The following PTPN11 variants were observed in gnomAD, a reference collection of about 807,000 sequenced individuals.
PTPN11 encodes tyrosine-protein phosphatase non-receptor type 11.
In PTPN11, 6 loss-of-function variants were observed where a neutral mutation model predicts 78.8. The ratio of observed to expected loss-of-function variants is 0.08; its 90% CI spans 0.04 to 0.15. PTPN11 has a LOEUF of 0.15. Ranked by LOEUF, PTPN11 falls within the 10% of genes least tolerant of loss-of-function variation. The pLI, the probability that PTPN11 is intolerant of heterozygous loss-of-function variation, is 1.00. For missense variants in PTPN11, 386 were observed against 744.8 expected (o/e 0.52, Z 5.61); for synonymous variants, 221 against 263.5 (o/e 0.84, Z 1.56).
intron 9 of PTPN11, among the ~76,000 whole-genome samples, chr12:112,480,384 T>TG (rs397947047): frequency 2.0e-5 from 3 of 147,458 alleles, no homozygotes; most frequent in African/African-American, 7.5e-5. Flanking sequence ...TTTTTTTTTT[T>TG]GGGACTGTAT....
At chr12:112,502,003 A>T (rs530858550) in intron 13 of PTPN11, 141 bp from the exon 14 acceptor site, 1 of 690,588 alleles carries the variant, frequency 1.4e-6, no homozygotes, top group African/African-American at 1.8e-5. Flanking sequence ...AATTTGGTCA[A>T]TGTATCAGTA....
intron 6 of PTPN11, among the ~76,000 whole-genome samples, chr12:112,458,760 G>A (rs1396836261): frequency 1.3e-5 from 2 of 152,196 alleles, no homozygotes. Context: ...AGGCTGGGGC[G>A]TAGTGGCTAC....
chr12:112,424,174 C>T (rs531412598), intron 1 of PTPN11, among the ~76,000 whole-genome samples: 22 of 152,060 alleles, frequency 1.4e-4, no homozygotes, highest in African/African-American at 2.2e-4. Context: ...TGCCAGGTAC[C>T]GTGCTAGGCA....
At chr12:112,486,115 G>C (rs1483335074) in intron 10 of PTPN11, among the ~76,000 whole-genome samples, 1 of 152,140 alleles carries the variant, frequency 6.6e-6, no homozygotes, top group Non-Finnish European at 1.5e-5. Context: ...CTCTTCTGCT[G>C]GGAGGAGAGA....
chr12:112,472,721 G>A (rs1174570526), intron 6 of PTPN11, among the ~76,000 whole-genome samples: 3 of 152,018 alleles, frequency 2.0e-5, no homozygotes, highest in South Asian at 2.1e-4. Flanking sequence ...GGCTGGTTTC[G>A]AACTCCTGCC....
At chr12:112,460,111 C>T (rs1214692800) in intron 6 of PTPN11, among the ~76,000 whole-genome samples, 1 of 152,038 alleles carries the variant, frequency 6.6e-6, no homozygotes. Flanking sequence ...CCTCACCTGG[C>T]TAGTTTTTGT....
chr12:112,450,223 A>G (rs2135861442), intron 2 of PTPN11, 95 bp from the exon 3 acceptor site: 1 of 1,188,226 alleles, frequency 8.4e-7, no homozygotes. Flanking sequence ...TTCTTTCAAC[A>G]CTTAGGTAAA....
At chr12:112,429,505 T>G (rs1368977551) in intron 1 of PTPN11, among the ~76,000 whole-genome samples, 3 of 149,126 alleles carry the variant, frequency 2.0e-5, no homozygotes, top group Non-Finnish European at 4.5e-5. Flanking sequence ...TTTTTTTTTT[T>G]TAAGAGACAG....
intron 1 of PTPN11, among the ~76,000 whole-genome samples, chr12:112,422,092 G>GA (rs1238745926): frequency 2.0e-5 from 3 of 152,164 alleles, no homozygotes; most frequent in Admixed American, 6.6e-5. Flanking sequence ...TTCTAGGAGG[G>GA]AAAAAATCCC....
At chr12:112,430,413 TTTG>T (rs955952661) in intron 1 of PTPN11, among the ~76,000 whole-genome samples, 15 of 151,472 alleles carry the variant, frequency 9.9e-5, no homozygotes, top group East Asian at 9.7e-4. Context: ...TTCATATAGG[TTTG>T]TTGTTGTTGT....
intron 6 of PTPN11, among the ~76,000 whole-genome samples, chr12:112,465,652 T>G (rs2038315909): frequency 6.6e-6 from 1 of 152,096 alleles, no homozygotes; most frequent in Admixed American, 6.6e-5. Flanking sequence ...TCCATACACC[T>G]GCTTCATTCT....
chr12:112,421,511 C>T (rs1437787968), intron 1 of PTPN11, among the ~76,000 whole-genome samples: 2 of 152,162 alleles, frequency 1.3e-5, no homozygotes, highest in Admixed American at 6.6e-5. Flanking sequence ...GATGGGGTCT[C>T]ACTGTGTTGC....
At chr12:112,442,829 TTTATATATA>T (rs2037917049) in intron 1 of PTPN11, among the ~76,000 whole-genome samples, 1 of 56,908 alleles carries the variant, frequency 1.8e-5, no homozygotes, top group Non-Finnish European at 3.2e-5. Context: ...TCTCTCTCTT[TTTATATATA>T]TATATATATA....
At chr12:112,425,733 C>T (rs550830886) in intron 1 of PTPN11, among the ~76,000 whole-genome samples, 1 of 152,108 alleles carries the variant, frequency 6.6e-6, no homozygotes, top group South Asian at 2.1e-4. Context: ...TAAATTCCAC[C>T]CCTCTCTTTT....
chr12:112,469,452 C>T (rs2038379766), intron 6 of PTPN11, among the ~76,000 whole-genome samples: 1 of 151,728 alleles, frequency 6.6e-6, no homozygotes, highest in Non-Finnish European at 1.5e-5. Context: ...TTTCTGTTTA[C>T]CTTCTATATA....
At chr12:112,460,393 A>G (rs544301015) in intron 6 of PTPN11, among the ~76,000 whole-genome samples, 1 of 152,358 alleles carries the variant, frequency 6.6e-6, no homozygotes, top group Non-Finnish European at 1.5e-5. Context: ...TTATTTATAA[A>G]TATTTCAATA....
intron 1 of PTPN11, among the ~76,000 whole-genome samples, chr12:112,436,048 A>G (rs149910248): frequency 0.012 from 1,836 of 152,276 alleles, 25 homozygotes; most frequent in Non-Finnish European, 0.015. Context: ...GAAAAAAGAA[A>G]AAAAAATTCA....
intron 1 of PTPN11, among the ~76,000 whole-genome samples, chr12:112,441,801 C>G (rs894143119): frequency 1.3e-5 from 2 of 148,240 alleles, no homozygotes; most frequent in Non-Finnish European, 3.0e-5. Flanking sequence ...TTTTTTGAGA[C>G]GGAGTCTCAC....
intron 2 of PTPN11, among the ~76,000 whole-genome samples, chr12:112,447,741 C>G (rs948649010): frequency 1.3e-5 from 2 of 151,264 alleles, no homozygotes; most frequent in Non-Finnish European, 2.9e-5. Context: ...CTCAGGTGAT[C>G]TGCCTGCCTT....
Sources: allele counts gnomAD v4.1 joint callset (sites outside exome capture counted in the v4.1 genomes callset), GRCh38; gene constraint gnomAD v4.1.1; transcripts MANE v1.5; gene names NCBI Gene and HGNC (gene_info 2026-07-23, HGNC 2026-07-21).